The following TGM3 variants were observed in gnomAD, a reference collection of about 807,000 sequenced individuals.
TGM3 encodes transglutaminase 3, also known as protein-glutamine gamma-glutamyltransferase E.
A neutral mutation model predicts 73.8 loss-of-function variants in TGM3; 52 were observed. That is an observed-to-expected ratio of 0.70 (90% CI 0.56 to 0.89). The LOEUF (loss-of-function observed/expected upper bound fraction) is 0.89, where lower values mean the gene tolerates loss of function less well. Ranked by LOEUF, TGM3 falls within the 40% of genes least tolerant of loss-of-function variation. The pLI, the probability that TGM3 is intolerant of heterozygous loss-of-function variation, is 0.00. For synonymous variants in TGM3, 372 were observed against 354.9 expected, an observed-to-expected ratio of 1.05 and a Z score of -0.54; for missense variants, 928 against 909.9, an observed-to-expected ratio of 1.02 and a Z score of -0.26.
intron 7 of TGM3, among the ~76,000 whole-genome samples, chr20:2,320,330 G>C (rs531078037): frequency 3.1e-4 from 47 of 152,320 alleles, no homozygotes; most frequent in African/African-American, 1.1e-3. Flanking sequence ...GCCAGGTACT[G>C]TTATAAGTGC....
chr20:2,328,342 C>T lies in TGM3; in HGVS notation c.1310C>T (p.Thr437Met), dbSNP rs774767430. 4.3e-6 allele frequency: 7 copies of T among 1,613,974 alleles called. No individual in the cohort carries two copies. The African/African-American group carries it at 5.3e-5, about 12-fold the overall frequency. The change falls in exon 9 of 13, where the codon ACG becomes ATG. Residue 437 changes from threonine (T) to methionine (M), a missense_variant. Thr to Met is a moderately conservative substitution (Grantham distance 81). Coordinates refer to ENST00000381458, the MANE Select transcript of TGM3 (RefSeq NM_003245.4). This position sits in a 1 kb window ranked among gnomAD's most constrained non-coding sequence, Gnocchi z 5.2. ...AVGSNARMDV[T>M]DKYKYPEGSD... ...GGCAGCAATGCTCGCATGGACGTCA[C>T]GGACAAGTACAAGTACCCAGAAGGT...
At chr20:2,336,865 G>T (rs1293692054) in intron 11 of TGM3, among the ~76,000 whole-genome samples, 2 of 151,900 alleles carry the variant, frequency 1.3e-5, no homozygotes, top group African/African-American at 4.8e-5. Flanking sequence ...TCTGTCACTG[G>T]GACAATAAAT....
intron 1 of TGM3, among the ~76,000 whole-genome samples, chr20:2,302,714 T>TAAAA (rs56347560): frequency 9.5e-6 from 1 of 105,258 alleles, no homozygotes; most frequent in African/African-American, 3.1e-5. Context: ...AGAGGTTTTC[T>TAAAA]AAAAAAAAAA....
At chr20:2,299,211 C>T (rs762707808) in intron 1 of TGM3, among the ~76,000 whole-genome samples, 14 of 151,980 alleles carry the variant, frequency 9.2e-5, no homozygotes, top group African/African-American at 3.1e-4. Flanking sequence ...TGGGTGCTTA[C>T]GATTACCTGG....
chr20:2,308,879 CTTT>C (rs11308962), intron 1 of TGM3, among the ~76,000 whole-genome samples: 39 of 142,492 alleles, frequency 2.7e-4, no homozygotes, highest in Non-Finnish European at 3.4e-4. Context: ...CCCTTCAGTT[CTTT>C]TTTTTTTTTT....
chr20:2,323,385 G>T (rs894541303), intron 7 of TGM3, among the ~76,000 whole-genome samples: 32 of 152,126 alleles, frequency 2.1e-4, no homozygotes, highest in African/African-American at 6.8e-4. Context: ...GATTGATTTT[G>T]CTTGTCCTTT....
rs1441702880 is a variant in TGM3, at chr20:2,328,381, G to T, written c.1333+16G>T. On this transcript the variant is annotated intron_variant, in intron 9 of 12. Transcript: ENST00000381458. The surrounding 1 kb of genome is among the most constrained non-coding windows in gnomAD (Gnocchi z 5.2). Reference sequence around the variant, plus strand: ...TACCCAGAAGGTAGGAGGGACGCTGGCGGGGCAGTGCCGCGAGAGGTTCTA... The same window carrying T: ...TACCCAGAAGGTAGGAGGGACGCTGTCGGGGCAGTGCCGCGAGAGGTTCTA... The T allele has an allele frequency of 6.2e-7, 1 of 1,613,380 alleles. No homozygotes were observed. Among genetic ancestry groups the T allele is most frequent in the African/African-American group, 1.3e-5 (1 of 74,922 alleles).
intron 1 of TGM3, among the ~76,000 whole-genome samples, chr20:2,301,491 G>C (rs1207269258): frequency 6.7e-6 from 1 of 149,022 alleles, no homozygotes; most frequent in African/African-American, 2.5e-5. Context: ...TCCATTAGCA[G>C]GTTGTGAAAT....
In TGM3 at chr20:2,317,448, A is replaced by G; in HGVS notation, c.946A>G (p.Met316Val). 1 of 1,614,242 alleles carries G rather than the reference A, an allele frequency of 6.2e-7. No homozygotes were observed. The highest frequency in any genetic ancestry group is 8.5e-7 in the Non-Finnish European group (1 of 1,180,036). Residue 316 changes from methionine to valine, a missense_variant, in exon 7 of 13, where the codon ATG becomes GTG. Coordinates refer to ENST00000381458, the MANE Select transcript of TGM3 (RefSeq NM_003245.4). ...CAGTGTGGATGTGTACTACGACCCCATGGGAAACCCCCTGGACAAGGGTAG... is the reference window on the plus strand; with the variant it reads ...CAGTGTGGATGTGTACTACGACCCCGTGGGAAACCCCCTGGACAAGGGTAG... ...NLSVDVYYDPMGNPLDKGSDS... is the reference protein window; with the variant it reads ...NLSVDVYYDPVGNPLDKGSDS...
intron 1 of TGM3, among the ~76,000 whole-genome samples, chr20:2,302,197 G>T (rs1434946367): frequency 6.6e-6 from 1 of 152,166 alleles, no homozygotes; most frequent in East Asian, 1.9e-4. Flanking sequence ...AACAGGAGAT[G>T]GGAGCCCCAT....
At chr20:2,304,260 G>A (rs214790) in intron 1 of TGM3, among the ~76,000 whole-genome samples, 113,622 of 151,950 alleles carry the variant, frequency 0.75, 44,053 homozygotes, top group East Asian at 0.93. Context: ...CTTGAATTGG[G>A]GGCTGGCAGA....
At chr20:2,323,422 A>G (rs1260498909) in intron 7 of TGM3, among the ~76,000 whole-genome samples, 4 of 152,190 alleles carry the variant, frequency 2.6e-5, no homozygotes, top group Non-Finnish European at 5.9e-5. Flanking sequence ...ATCCCATTCC[A>G]TGGCTCTGCC....
rs553261256 is a variant in TGM3, at chr20:2,323,180, A to G, written c.984-2669A>G. On this transcript the variant is annotated intron_variant, in intron 7 of 12. Coordinates refer to ENST00000381458, the MANE Select transcript of TGM3 (RefSeq NM_003245.4). Reference sequence around the variant, plus strand: ...CCATCTCCTGAGCAGTATACCCTGAACCCAATTTGTAGTCTTTTATCCCTC... The same window carrying G: ...CCATCTCCTGAGCAGTATACCCTGAGCCCAATTTGTAGTCTTTTATCCCTC... Among the ~76,000 whole-genome samples, 98 of 152,246 alleles carry G rather than the reference A, an allele frequency of 6.4e-4. 1 individual carries two copies. Among genetic ancestry groups the G allele is most frequent in the African/African-American group, 2.3e-3 (95 of 41,552 alleles).
At chr20:2,297,996 G>C (rs936072757) in intron 1 of TGM3, among the ~76,000 whole-genome samples, 1 of 152,124 alleles carries the variant, frequency 6.6e-6, no homozygotes, top group Non-Finnish European at 1.5e-5. Context: ...GATTAGTCTT[G>C]TCTGGAATTT....
chr20:2,320,371 A>G (rs1181479404), intron 7 of TGM3, among the ~76,000 whole-genome samples: 1 of 152,230 alleles, frequency 6.6e-6, no homozygotes, highest in African/African-American at 2.4e-5. Context: ...TGACGTAGGC[A>G]TTGTTATTTT....
At chr20:2,338,358 A>C (rs919437733) in intron 11 of TGM3, among the ~76,000 whole-genome samples, 1 of 152,026 alleles carries the variant, frequency 6.6e-6, no homozygotes, top group Non-Finnish European at 1.5e-5. Flanking sequence ...TTAAAAAAAG[A>C]AAAAAAAGCA....
At chr20:2,319,184 A>G (rs948320075) in intron 7 of TGM3, among the ~76,000 whole-genome samples, 58 of 152,188 alleles carry the variant, frequency 3.8e-4, no homozygotes, top group African/African-American at 1.4e-3. Flanking sequence ...CACTGGGGCT[A>G]TGCCATTCCT....
At chr20:2,327,061 A>G (rs989566306) in intron 8 of TGM3, among the ~76,000 whole-genome samples, 1 of 152,182 alleles carries the variant, frequency 6.6e-6, no homozygotes, top group South Asian at 2.1e-4. Flanking sequence ...ATTGCAACCC[A>G]TTAGTGGTTA....
intron 1 of TGM3, among the ~76,000 whole-genome samples, chr20:2,305,574 G>A (rs954888875): frequency 1.3e-5 from 2 of 152,168 alleles, no homozygotes; most frequent in Non-Finnish European, 2.9e-5. Context: ...ATAGCAGTTG[G>A]CATAAAGAAG....
Sources: allele counts gnomAD v4.1 joint callset (sites outside exome capture counted in the v4.1 genomes callset), GRCh38; gene constraint gnomAD v4.1.1; non-coding constraint Gnocchi (gnomAD v3.1); transcripts MANE v1.5; gene names NCBI Gene and HGNC (gene_info 2026-07-23, HGNC 2026-07-21).